MECOM: variants seen among roughly 807,000 people sequenced by gnomAD.
The protein encoded by MECOM is histone-lysine N-methyltransferase MECOM.
A neutral mutation model predicts 116.3 loss-of-function variants in MECOM; 13 were observed. That is an observed-to-expected ratio of 0.11 (90% confidence interval 0.07 to 0.18). The LOEUF (loss-of-function observed/expected upper bound fraction) is 0.18. MECOM is among the 10% of genes least tolerant of loss of function. MECOM has a pLI of 1.00. For missense variants in MECOM, 1,299 were observed against 1,509.0 expected, an observed-to-expected ratio of 0.86 and a Z score of 2.31; for synonymous variants, 528 against 535.2, an observed-to-expected ratio of 0.99 and a Z score of 0.19.
At chr3:169,475,611 C>G (rs1750236495) in intron 1 of MECOM, among the ~76,000 whole-genome samples, 1 of 151,098 alleles carries the variant, frequency 6.6e-6, no homozygotes, top group Non-Finnish European at 1.5e-5. Flanking sequence ...TAATAGCTGT[C>G]TTAAATCGGG....
chr3:169,510,245 G>A (rs1018407202), intron 1 of MECOM, among the ~76,000 whole-genome samples: 3 of 152,272 alleles, frequency 2.0e-5, no homozygotes, highest in South Asian at 2.1e-4. Flanking sequence ...GTGAAGGGTC[G>A]GGGGCAGGGA....
chr3:169,255,793 A>G (rs1370278083), intron 2 of MECOM, among the ~76,000 whole-genome samples: 1 of 152,194 alleles, frequency 6.6e-6, no homozygotes, highest in Admixed American at 6.5e-5. Context: ...TCAACTGCCA[A>G]GACGATGTTC....
intron 2 of MECOM, among the ~76,000 whole-genome samples, chr3:169,173,311 A>C (rs1170107039): frequency 6.6e-6 from 1 of 152,044 alleles, no homozygotes; most frequent in Non-Finnish European, 1.5e-5. Flanking sequence ...ATTTCCTCCA[A>C]GATTTTATCC....
At chr3:169,526,651 T>A (rs1203966774) in intron 1 of MECOM, among the ~76,000 whole-genome samples, 1 of 152,202 alleles carries the variant, frequency 6.6e-6, no homozygotes, top group Non-Finnish European at 1.5e-5. Context: ...ATTTGTTTTA[T>A]TTTTTTGTAT....
chr3:169,444,937 C>T (rs1384559343), intron 1 of MECOM, among the ~76,000 whole-genome samples: 4 of 152,136 alleles, frequency 2.6e-5, no homozygotes, highest in Admixed American at 6.5e-5. Context: ...AGGCATTTTG[C>T]CCCTGCCCTA....
At chr3:169,279,211 A>G (rs1759981419) in intron 2 of MECOM, among the ~76,000 whole-genome samples, 1 of 152,100 alleles carries the variant, frequency 6.6e-6, no homozygotes, top group East Asian at 1.9e-4. Context: ...GATCTTCACA[A>G]CTTAGAATTG....
Position 169,114,165 on chromosome 3 carries a change from C to T in MECOM, c.2489+1218G>A, listed in dbSNP as rs936082072. ...GACTTTACCCGAAATGTGTGACATA[C>T]AATCTACACACAAAACACGGAAGAC... is the stretch of plus-strand genomic sequence containing the variant. On this transcript the variant is annotated intron_variant, in intron 8 of 16. Transcript: ENST00000651503. Among the ~76,000 whole-genome samples the T allele has an allele frequency of 4.6e-5, 7 of 151,612 alleles. No homozygotes were observed. The East Asian group carries it at 1.4e-3, about 30-fold the overall frequency.
At chr3:169,500,845 C>A (rs1273900923) in intron 1 of MECOM, among the ~76,000 whole-genome samples, 2 of 151,824 alleles carry the variant, frequency 1.3e-5, no homozygotes, top group Admixed American at 1.3e-4. Context: ...AGGGCTAAAT[C>A]TGATTATATA....
chr3:169,662,641 C>A (rs867775804), intron 1 of MECOM, among the ~76,000 whole-genome samples: 1 of 150,604 alleles, frequency 6.6e-6, no homozygotes, highest in Admixed American at 6.6e-5. Flanking sequence ...GTCCTCCCGC[C>A]GCGCAGCGCC....
intron 1 of MECOM, among the ~76,000 whole-genome samples, chr3:169,456,614 C>T (rs955232034): frequency 2.6e-5 from 4 of 152,104 alleles, no homozygotes; most frequent in East Asian, 1.9e-4. Context: ...AAACCCACCA[C>T]GGACCTGCTG....
chr3:169,233,920 GT>G (rs1236125501), intron 2 of MECOM, among the ~76,000 whole-genome samples: 1 of 152,010 alleles, frequency 6.6e-6, no homozygotes, highest in African/African-American at 2.4e-5. Flanking sequence ...CTGCTTATCA[GT>G]TTTTTAAATG....
chr3:169,327,743 T>C (rs1021505380), intron 2 of MECOM, among the ~76,000 whole-genome samples: 1 of 152,084 alleles, frequency 6.6e-6, no homozygotes, highest in African/African-American at 2.4e-5. Flanking sequence ...GCAATGTATA[T>C]AATTCGATAG....
intron 2 of MECOM, among the ~76,000 whole-genome samples, chr3:169,212,157 A>C (rs183592238): frequency 1.9e-4 from 29 of 152,168 alleles, no homozygotes; most frequent in Non-Finnish European, 3.2e-4. Context: ...ATATCTAGGA[A>C]CTACCCACAT....
At chr3:169,160,788 A>G (rs966552497) in intron 2 of MECOM, among the ~76,000 whole-genome samples, 1 of 152,088 alleles carries the variant, frequency 6.6e-6, no homozygotes, top group Non-Finnish European at 1.5e-5. Flanking sequence ...TATCTCATGT[A>G]CCCCATAAAT....
At position 169,265,315 on chromosome 3, in the gene MECOM, G is replaced by C. The variant is rs541321523; in HGVS notation, c.375+115872C>G. Among the ~76,000 whole-genome samples the C allele has an allele frequency of 9.2e-5, 14 of 152,282 alleles. No homozygotes were observed. In the East Asian group the frequency reaches 2.5e-3, roughly 27 times the overall value. The stretch of plus-strand genomic sequence containing the variant: ...CAGGCATGATGGAATGCAGACAGAG[G>C]ACCGACCTTGCTGTGTGGGCAGACA... On this transcript the variant is annotated intron_variant, in intron 2 of 16. Transcript: ENST00000651503.
chr3:169,204,963 ACT>A (rs1749701926), intron 2 of MECOM, among the ~76,000 whole-genome samples: 1 of 152,174 alleles, frequency 6.6e-6, no homozygotes, highest in South Asian at 2.1e-4. Flanking sequence ...ACAGTGTGGG[ACT>A]CTGCAAAACC....
intron 2 of MECOM, among the ~76,000 whole-genome samples, chr3:169,277,279 G>A (rs1214909216): frequency 6.6e-6 from 1 of 152,088 alleles, no homozygotes; most frequent in Non-Finnish European, 1.5e-5. Context: ...AAGCACAGGA[G>A]GAGCTCAAAC....
At chr3:169,252,256 G>C (rs1398189538) in intron 2 of MECOM, among the ~76,000 whole-genome samples, 2 of 151,932 alleles carry the variant, frequency 1.3e-5, no homozygotes, top group Non-Finnish European at 2.9e-5. Flanking sequence ...TGACAAATAG[G>C]AGTATAAATC....
At chr3:169,134,365 G>A (rs1735726969) in intron 3 of MECOM, among the ~76,000 whole-genome samples, 1 of 152,192 alleles carries the variant, frequency 6.6e-6, no homozygotes, top group Non-Finnish European at 1.5e-5. Context: ...ACACGGAAGA[G>A]TGTTGATGTT....
Sources: allele counts gnomAD v4.1 joint callset (sites outside exome capture counted in the v4.1 genomes callset), GRCh38; gene constraint gnomAD v4.1.1; transcripts MANE v1.5; gene names NCBI Gene and HGNC (gene_info 2026-07-23, HGNC 2026-07-21).